COL14A1: variants seen among roughly 807,000 people sequenced by gnomAD.
COL14A1 encodes the protein collagen alpha-1(XIV) chain.
COL14A1 carries 136 observed loss-of-function variants against 230.3 expected under a neutral mutation model. That is an observed-to-expected ratio of 0.59 (90% CI 0.51 to 0.68). The LOEUF (loss-of-function observed/expected upper bound fraction) is 0.68. Among genes scored for constraint, COL14A1 ranks in the 30% least tolerant of loss-of-function variants. COL14A1 has a pLI of 0.00. For synonymous variants in COL14A1, 792 were observed against 784.1 expected, an observed-to-expected ratio of 1.01 and a Z score of -0.17; for missense variants, 1,976 against 2,215.8, an observed-to-expected ratio of 0.89 and a Z score of 2.17.
chr8:120,300,870 A>G (rs1563726152), intron 36 of COL14A1, 52 bp downstream of exon 36: 5 of 1,387,492 alleles, frequency 3.6e-6, no homozygotes, highest in Non-Finnish European at 5.1e-6. Context: ...ATTAATAGCT[A>G]TCACTTGTGT....
chr8:120,128,467 G>T (rs931788363), intron 1 of COL14A1, among the ~76,000 whole-genome samples: 1 of 152,120 alleles, frequency 6.6e-6, no homozygotes, highest in African/African-American at 2.4e-5. Flanking sequence ...TCTATATGGG[G>T]CCAGGCACAG....
chr8:120,198,040 A>C, intron 7 of COL14A1, 110 bp downstream of exon 7: 6 of 1,093,956 alleles, frequency 5.5e-6, no homozygotes, highest in Non-Finnish European at 7.8e-6. Flanking sequence ...TTAAACTAGC[A>C]CTTAGGATTC....
chr8:120,132,840 A>C (rs1814577029), intron 1 of COL14A1, among the ~76,000 whole-genome samples: 1 of 152,192 alleles, frequency 6.6e-6, no homozygotes, highest in Admixed American at 6.6e-5. Context: ...TTAAAAAGTA[A>C]CCTCTCCAAG....
At chr8:120,330,948 A>G (rs554102546) in intron 40 of COL14A1, among the ~76,000 whole-genome samples, 1 of 152,068 alleles carries the variant, frequency 6.6e-6, no homozygotes, top group Non-Finnish European at 1.5e-5. Flanking sequence ...TCTACTAAAA[A>G]TACGAAATTA....
At chr8:120,245,106 A>C (rs1345388039) in intron 20 of COL14A1, among the ~76,000 whole-genome samples, 1 of 152,170 alleles carries the variant, frequency 6.6e-6, no homozygotes, top group Non-Finnish European at 1.5e-5. Context: ...TTTGCATGTA[A>C]GAGTTTTTCT....
rs1817503651 is a variant in COL14A1, at chr8:120,208,218, T to G, written c.1192-14T>G. 6.3e-7 allele frequency: 1 copy of G among 1,596,568 alleles called. No homozygotes were observed. The highest frequency in any genetic ancestry group is 1.7e-5 in the Admixed American group (1 of 59,470). On this transcript the variant is annotated splice_polypyrimidine_tract_variant and intron_variant, in intron 10 of 47. Transcript: ENST00000297848. The stretch of plus-strand genomic sequence containing the variant: ...TATTCCATACTCTCATTACTCAAAC[T>G]GTTCTTTAAACAGGTGGTGGTAGAT...
intron 23 of COL14A1, among the ~76,000 whole-genome samples, chr8:120,262,420 T>C (rs1234803008): frequency 2.0e-5 from 3 of 151,820 alleles, no homozygotes; most frequent in African/African-American, 7.3e-5. Flanking sequence ...TGCAATGAGC[T>C]GAGATCGCAC....
chr8:120,354,519 C>T (rs146463610), intron 45 of COL14A1, among the ~76,000 whole-genome samples: 72 of 152,028 alleles, frequency 4.7e-4, no homozygotes, highest in Non-Finnish European at 8.4e-4. Context: ...ATTTTCCTTT[C>T]ATGTTCGCAA....
At chr8:120,369,293 A>G (rs1823507716) in intron 46 of COL14A1, 37 bp from the exon 47 acceptor site, 2 of 1,462,404 alleles carry the variant, frequency 1.4e-6, no homozygotes, top group Non-Finnish European at 1.8e-6. Flanking sequence ...CTGTTGTGGC[A>G]AAAGACCAAC....
At chr8:120,322,076 T>TTA (rs896601470) in intron 40 of COL14A1, among the ~76,000 whole-genome samples, 4 of 151,942 alleles carry the variant, frequency 2.6e-5, no homozygotes, top group Non-Finnish European at 5.9e-5. Flanking sequence ...ATGTTTATAT[T>TTA]TATATATATA....
chr8:120,318,760 C>G (rs1023508182), intron 40 of COL14A1, among the ~76,000 whole-genome samples: 2 of 152,104 alleles, frequency 1.3e-5, no homozygotes, highest in African/African-American at 4.8e-5. Context: ...ATAATTACAA[C>G]AACAATAACA....
At chr8:120,327,138 A>G (rs1367617577) in intron 40 of COL14A1, among the ~76,000 whole-genome samples, 1 of 152,200 alleles carries the variant, frequency 6.6e-6, no homozygotes, top group African/African-American at 2.4e-5. Flanking sequence ...CAGTCCATGA[A>G]AAAAGTGCCA....
intron 3 of COL14A1, 106 bp from the exon 4 acceptor site, chr8:120,162,320 A>G (rs1330667992): frequency 1.2e-6 from 1 of 851,528 alleles, no homozygotes; most frequent in Non-Finnish European, 1.7e-6. Flanking sequence ...ACATTTCAAA[A>G]AATGCCTTTA....
At chr8:120,330,156 A>G (rs1189613018) in intron 40 of COL14A1, among the ~76,000 whole-genome samples, 3 of 152,208 alleles carry the variant, frequency 2.0e-5, no homozygotes, top group African/African-American at 7.2e-5. Context: ...AAGAGGGTGC[A>G]AAACAGCTAA....
chr8:120,334,585 AACACACACACACACACAC>A (rs3054171), intron 42 of COL14A1, among the ~76,000 whole-genome samples: 1 of 144,790 alleles, frequency 6.9e-6, no homozygotes, highest in African/African-American at 2.5e-5. Context: ...CACACACAAA[AACACACACACACACACAC>A]ACACACACAC....
At chr8:120,227,134 T>C in intron 16 of COL14A1, 86 bp from the exon 17 acceptor site, 1 of 1,467,604 alleles carries the variant, frequency 6.8e-7, no homozygotes, top group Non-Finnish European at 9.2e-7. Flanking sequence ...TATGATTGGT[T>C]GTTTCTTGCT....
intron 1 of COL14A1, among the ~76,000 whole-genome samples, chr8:120,144,391 T>C (rs1815018180): frequency 1.3e-5 from 2 of 152,162 alleles, no homozygotes; most frequent in African/African-American, 2.4e-5. Flanking sequence ...ATTTCAAAGA[T>C]AGATTAATGC....
chr8:120,335,388 C>G (rs1000805710), intron 42 of COL14A1, among the ~76,000 whole-genome samples: 1 of 152,202 alleles, frequency 6.6e-6, no homozygotes, highest in African/African-American at 2.4e-5. Context: ...TGATCAGAGG[C>G]AGAAACCATT....
chr8:120,345,489 C>T lies in COL14A1; in HGVS notation c.5003C>T (p.Pro1668Leu). The change falls in exon 45 of 48, where the codon CCT becomes CTT. Residue 1668 changes from proline to leucine, a missense_variant. Physicochemically the swap from Pro to Leu is moderately conservative, Grantham distance 98. Transcript: ENST00000297848. ...GGGAGGCCAGGCTCACCTGGAGCCC[C>T]TGGTGAACAAGGACCCCCAGGCACA... ...EPGRPGSPGA[P>L]GEQGPPGTPG... is the part of the protein sequence containing the mutation. 3 of 1,605,436 alleles carry T rather than the reference C, an allele frequency of 1.9e-6. No homozygotes were observed. Among genetic ancestry groups the T allele is most frequent in the Non-Finnish European group, 1.7e-6 (2 of 1,176,264 alleles).
Sources: gnomAD v4.1 joint callset for allele counts (sites outside exome capture counted in the v4.1 genomes callset) on GRCh38, gnomAD v4.1.1 for gene constraint, MANE v1.5 for transcripts, NCBI Gene and HGNC (gene_info 2026-07-23, HGNC 2026-07-21) for gene names.